CDH15: variants seen among roughly 807,000 people sequenced by gnomAD.
CDH15 encodes cadherin 15.
A neutral mutation model predicts 69.4 loss-of-function variants in CDH15; 73 were observed. The ratio of observed to expected loss-of-function variants is 1.05; its 90% CI spans 0.87 to 1.28. The LOEUF (loss-of-function observed/expected upper bound fraction) is 1.28. Among genes scored for constraint, CDH15 ranks in the 50% most tolerant of loss-of-function variants. CDH15 has a pLI of 0.00. For synonymous variants in CDH15, 624 were observed against 507.7 expected, an observed-to-expected ratio of 1.23 and a Z score of -3.08; for missense variants, 1,343 against 1,133.6, an observed-to-expected ratio of 1.18 and a Z score of -2.65.
At position 89,180,211 on chromosome 16, in the gene CDH15, C is replaced by G; in HGVS notation, c.213C>G (p.Asp71Glu). 5 of 1,610,938 alleles carry G rather than the reference C, an allele frequency of 3.1e-6. No individual in the cohort carries two copies. Among genetic ancestry groups the G allele is most frequent in the East Asian group, 2.2e-5 (1 of 44,800 alleles). ...LPYPLVQIKSDKQQLGSVIYS... is the reference protein window; with the variant it reads ...LPYPLVQIKSEKQQLGSVIYS... ...TTCCTGCCCCACAGATCAAGTCGGA[C>G]AAGCAGCAGCTGGGCAGCGTCATCT... The change falls in exon 3 of 14, where the codon GAC becomes GAG. Residue 71 changes from aspartate (D) to glutamate (E), a missense_variant. Physicochemically the swap from Asp to Glu is conservative, Grantham distance 45. Coordinates refer to ENST00000289746, the MANE Select transcript of CDH15 (RefSeq NM_004933.3).
At position 89,191,407 on chromosome 16, in the gene CDH15, T is replaced by G; in HGVS notation, c.1310T>G (p.Leu437Arg). The change falls in exon 9 of 14, where the codon CTC becomes CGC. Residue 437 changes from leucine (L) to arginine (R), a missense_variant. Coordinates refer to ENST00000289746, the MANE Select transcript of CDH15 (RefSeq NM_004933.3). ...GGCCGGATCCAGACCCAGCACGTGC[T>G]CAGCCCGGCGTCCCCCTTCCTCAAG... is the stretch of plus-strand genomic sequence containing the variant. The part of the protein sequence containing the change: ...ATGRIQTQHV[L>R]SPASPFLKGG... 1.2e-6 allele frequency: 2 copies of G among 1,612,712 alleles called. No homozygotes were observed. Among genetic ancestry groups the G allele is most frequent in the East Asian group, 4.5e-5 (2 of 44,876 alleles).
intron 7 of CDH15, among the ~76,000 whole-genome samples, chr16:89,189,523 C>G (rs2053735021): frequency 2.0e-5 from 3 of 152,268 alleles, no homozygotes; most frequent in Admixed American, 2.0e-4. Flanking sequence ...ATGGAGCCCC[C>G]CAGCCTGAGG....
At chr16:89,174,471 C>G (rs1229043696) in intron 1 of CDH15, among the ~76,000 whole-genome samples, 2 of 152,240 alleles carry the variant, frequency 1.3e-5, no homozygotes, top group Non-Finnish European at 2.9e-5. Context: ...TCCCGTCTCG[C>G]AGTGGTGTTC....
chr16:89,172,601 G>A (rs1386213243), intron 1 of CDH15, among the ~76,000 whole-genome samples: 3 of 152,164 alleles, frequency 2.0e-5, no homozygotes, highest in Admixed American at 6.5e-5. Flanking sequence ...TGCTGGCACC[G>A]TGGTCTCTCC....
rs545375047 is a variant in CDH15, at chr16:89,193,853, C to G, written c.2091C>G (p.His697Gln). The G allele has an allele frequency of 5.0e-6, 8 of 1,611,652 alleles. No individual in the cohort carries two copies. In the African/African-American group the frequency reaches 1.1e-4, roughly 21 times the overall value. Residue 697 changes from histidine (H) to glutamine (Q), a missense_variant, in exon 13 of 14, where the codon CAC becomes CAG. Transcript: ENST00000289746. ...GAGATGCCCCGCAGGGCCGCCTGCA[C>G]CCCCAGCCACCCCGAGTGCTGCCCA... is the stretch of plus-strand genomic sequence containing the variant. The part of the protein sequence containing the change: ...LRRDAPQGRL[H>Q]PQPPRVLPTS...
At position 89,177,210 on chromosome 16, in the gene CDH15, AC is replaced by A. The variant is rs112547458; in HGVS notation, c.43-2201del. The stretch of plus-strand genomic sequence containing the variant: ...GGGCGGGAAGGGCCTCGGGTCTCTC[AC>A]CCCCACAGCCCTGCAGTGGGGGGCT... On this transcript the variant is annotated intron_variant, in intron 1 of 13. Transcript: ENST00000289746. 9.1e-3 allele frequency among the ~76,000 whole-genome samples: 1,363 copies of A among 150,130 alleles called. 25 individuals are homozygous for A. Among genetic ancestry groups the A allele is most frequent in the African/African-American group, 0.032 (1,303 of 40,552 alleles).
At chr16:89,176,810 G>A (rs1019960379) in intron 1 of CDH15, among the ~76,000 whole-genome samples, 19 of 144,710 alleles carry the variant, frequency 1.3e-4, no homozygotes, top group African/African-American at 4.8e-4. Flanking sequence ...TTTGTGTGTG[G>A]TGGGTGATGT....
chr16:89,191,584 C>G (rs1915642607), intron 9 of CDH15, 71 bp from the exon 10 acceptor site: 3 of 1,572,460 alleles, frequency 1.9e-6, no homozygotes, highest in South Asian at 1.1e-5. Flanking sequence ...GAGCTGCGCA[C>G]CCGCTCTGAG....
chr16:89,187,760 G>A (rs919951608), intron 6 of CDH15, among the ~76,000 whole-genome samples: 1 of 152,196 alleles, frequency 6.6e-6, no homozygotes, highest in Non-Finnish European at 1.5e-5. Context: ...GTCAGAGTTG[G>A]GAGAGAGGCC....
chr16:89,193,794 C>T lies in CDH15; in HGVS notation c.2032C>T (p.Leu678=), dbSNP rs752352692. 5.0e-6 allele frequency: 8 copies of T among 1,606,580 alleles called. No homozygotes were observed. The highest frequency in any genetic ancestry group is 6.8e-6 in the Non-Finnish European group (8 of 1,179,236). ...CAGCCAGCTGCGTCACCCGACAGCG[C>T]TGAGCCTGCCTCTGGGACCGCCGCC... The part of the protein sequence containing the change: ...DISQLRHPTA[L]SLPLGPPPLR... The change falls in exon 13 of 14, where the codon CTG becomes TTG. Residue 678 remains leucine (L), a synonymous_variant. Coordinates refer to ENST00000289746, the MANE Select transcript of CDH15 (RefSeq NM_004933.3).
rs753628647 is a variant in CDH15, at chr16:89,188,280, G to A, written c.973G>A (p.Val325Met). Residue 325 changes from valine (V) to methionine (M), a missense_variant, in exon 7 of 14, where the codon GTG becomes ATG. Coordinates refer to ENST00000289746, the MANE Select transcript of CDH15 (RefSeq NM_004933.3). ...PKTNEGVLSI[V>M]KALDYESCEH... ...GACCAACGAGGGTGTTCTGTCCATT[G>A]TGAAGGTGAGCGGCCCCCGGCTGGC... 2.5e-6 allele frequency: 4 copies of A among 1,612,894 alleles called. No individual in the cohort carries two copies. Among genetic ancestry groups the A allele is most frequent in the Non-Finnish European group, 2.5e-6 (3 of 1,179,794 alleles).
intron 2 of CDH15, 141 bp from the exon 3 acceptor site, chr16:89,180,059 T>A (rs537402943): frequency 1.3e-5 from 12 of 917,332 alleles, no homozygotes; most frequent in South Asian, 1.2e-4. Flanking sequence ...CAGCTCCTCA[T>A]TGGGTACCAG....
intron 4 of CDH15, 39 bp from the exon 5 acceptor site, chr16:89,185,134 C>G (rs747227378): frequency 1.9e-5 from 29 of 1,558,164 alleles, no homozygotes; most frequent in Non-Finnish European, 2.2e-5. Context: ...CCCATCGGCC[C>G]TGTGGACGTT....
In CDH15 at chr16:89,179,402, T is replaced by G; in HGVS notation, c.43-14T>G. On this transcript the variant is annotated splice_polypyrimidine_tract_variant and intron_variant, in intron 1 of 13. Transcript: ENST00000289746. ...AGGAGACGGTACTGTGGGACGCATCTGTCTTTGTTGCAGAGCCTCTGCCTG... is the reference window on the plus strand; with the variant it reads ...AGGAGACGGTACTGTGGGACGCATCGGTCTTTGTTGCAGAGCCTCTGCCTG... 6.2e-7 allele frequency: 1 copy of G among 1,613,490 alleles called. No homozygotes were observed. Among genetic ancestry groups the G allele is most frequent in the Non-Finnish European group, 8.5e-7 (1 of 1,179,856 alleles).
rs546499570 is a variant in CDH15 at position 89,191,731 on chromosome 16, CCCG to C, written c.1462_1464del (p.Pro488del). 5 of 1,603,724 alleles carry C rather than the reference CCCG, an allele frequency of 3.1e-6. No homozygotes were observed. Among genetic ancestry groups the C allele is most frequent in the East Asian group, 2.2e-5 (1 of 44,784 alleles). ...TGAACGACCATGCACCTGTGCTGGC[CCCG>C]CCGCCGCCGGGCAGCCTGTGCAGCG... is the stretch of plus-strand genomic sequence containing the variant. On this transcript the variant is annotated inframe_deletion, in exon 10 of 14. Coordinates refer to ENST00000289746, the MANE Select transcript of CDH15 (RefSeq NM_004933.3).
At position 89,191,641 on chromosome 16, in the gene CDH15, C is replaced by A; in HGVS notation, c.1376-14C>A. ...GGTGTTGGGGTCACTAAGCCGCGGC[C>A]TCCTCGCCTGCAGCCTCCCAGCCCC... On this transcript the variant is annotated splice_polypyrimidine_tract_variant and intron_variant, in intron 9 of 13. Coordinates refer to ENST00000289746, the MANE Select transcript of CDH15 (RefSeq NM_004933.3). 1 of 1,576,274 alleles carries A rather than the reference C, an allele frequency of 6.3e-7. No individual in the cohort carries two copies. Among genetic ancestry groups the A allele is most frequent in the African/African-American group, 1.3e-5 (1 of 74,442 alleles).
intron 1 of CDH15, among the ~76,000 whole-genome samples, chr16:89,174,151 C>G (rs1353851744): frequency 6.6e-6 from 1 of 152,230 alleles, no homozygotes. Context: ...CATGCCTCTT[C>G]TTCCACATCC....
At chr16:89,185,042 C>T in intron 4 of CDH15, 131 bp from the exon 5 acceptor site, 3 of 834,650 alleles carry the variant, frequency 3.6e-6, no homozygotes, top group Non-Finnish European at 5.8e-6. Flanking sequence ...CATGGACTGA[C>T]TGCCCCATCT....
chr16:89,186,863 T>C, intron 5 of CDH15, among the ~76,000 whole-genome samples: 1 of 143,404 alleles, frequency 7.0e-6, no homozygotes, highest in Non-Finnish European at 1.5e-5. Context: ...CTGTAAACGC[T>C]TACCCAGCGC....
Sources: allele counts gnomAD v4.1 joint callset (sites outside exome capture counted in the v4.1 genomes callset), GRCh38; gene constraint gnomAD v4.1.1; transcripts MANE v1.5; gene names NCBI Gene and HGNC (gene_info 2026-07-23, HGNC 2026-07-21).